WDPCP: variants seen among roughly 807,000 people sequenced by gnomAD.
WDPCP encodes the protein WD repeat containing planar cell polarity effector.
WDPCP carries 71 observed loss-of-function variants against 93.1 expected under a neutral mutation model. That is an observed-to-expected ratio of 0.76 (90% CI 0.63 to 0.93). The LOEUF (loss-of-function observed/expected upper bound fraction) is 0.93, where lower values mean the gene tolerates loss of function less well. WDPCP is among the 40% of genes least tolerant of loss of function. WDPCP has a pLI of 0.00. For missense variants in WDPCP, 844 were observed against 887.4 expected, an observed-to-expected ratio of 0.95 and a Z score of 0.62; for synonymous variants, 315 against 315.0, an observed-to-expected ratio of 1.00 and a Z score of 0.00.
chr2:63,514,470 T>C (rs963170322), intron 1 of WDPCP, among the ~76,000 whole-genome samples: 4 of 152,168 alleles, frequency 2.6e-5, no homozygotes, highest in African/African-American at 7.2e-5. Context: ...TCATATTACC[T>C]TGACAGGCAC....
At chr2:63,719,531 C>G (rs951025378) in intron 2 of WDPCP, among the ~76,000 whole-genome samples, 1 of 152,130 alleles carries the variant, frequency 6.6e-6, no homozygotes, top group African/African-American at 2.4e-5. Context: ...TTTAACATCA[C>G]TTTGTCAGAA....
At chr2:63,382,159 A>T in intron 10 of WDPCP, 65 bp from the exon 11 acceptor site, 1 of 1,506,554 alleles carries the variant, frequency 6.6e-7, no homozygotes, top group Non-Finnish European at 9.0e-7. Flanking sequence ...AAAAGAGTTA[A>T]TTTTTCCATA....
At chr2:63,332,553 C>T (rs905944872) in intron 12 of WDPCP, among the ~76,000 whole-genome samples, 1 of 152,090 alleles carries the variant, frequency 6.6e-6, no homozygotes, top group Non-Finnish European at 1.5e-5. Context: ...TGTGTCTCTT[C>T]AAATCTTCTG....
chr2:63,311,221 C>A lies in WDPCP; in HGVS notation c.1812+2027G>T, dbSNP rs1008494212. Among the ~76,000 whole-genome samples, 8 of 152,218 alleles carry A rather than the reference C, an allele frequency of 5.3e-5. No individual in the cohort carries two copies. The East Asian group carries it at 1.5e-3, about 29-fold the overall frequency. On this transcript the variant is annotated intron_variant, in intron 13 of 17. Coordinates refer to ENST00000272321, the MANE Select transcript of WDPCP (RefSeq NM_015910.7). ...TTTTTAGTCTTTTAGCAAGAGATAT[C>A]TCAAGGGTAGAAAATCATGTATAAA...
At chr2:63,550,946 G>T (rs1705588776) in intron 1 of WDPCP, among the ~76,000 whole-genome samples, 1 of 152,010 alleles carries the variant, frequency 6.6e-6, no homozygotes, top group Admixed American at 6.6e-5. Flanking sequence ...TGTGATTCCA[G>T]TTTTAGTAAA....
intron 2 of WDPCP, among the ~76,000 whole-genome samples, chr2:63,655,205 A>C (rs1487536275): frequency 6.6e-6 from 1 of 152,236 alleles, no homozygotes; most frequent in African/African-American, 2.4e-5. Flanking sequence ...ACCCAGAGAA[A>C]GTGTGACTCA....
intron 2 of WDPCP, among the ~76,000 whole-genome samples, chr2:63,661,877 G>C (rs1268681824): frequency 1.3e-5 from 2 of 152,144 alleles, no homozygotes; most frequent in African/African-American, 4.8e-5. Context: ...AGTCAGTAAG[G>C]GGAGCTTCCA....
chr2:63,319,835 C>T (rs998474326), intron 12 of WDPCP, among the ~76,000 whole-genome samples: 1 of 152,012 alleles, frequency 6.6e-6, no homozygotes, highest in African/African-American at 2.4e-5. Flanking sequence ...GGGATATCTA[C>T]AAAATTATAT....
At chr2:63,616,776 G>T (rs1709677714) in intron 3 of WDPCP, among the ~76,000 whole-genome samples, 2 of 152,120 alleles carry the variant, frequency 1.3e-5, no homozygotes, top group South Asian at 4.1e-4. Context: ...AAGGATATTA[G>T]TGATAATGTG....
chr2:63,550,308 C>G (rs565148311), intron 1 of WDPCP, among the ~76,000 whole-genome samples: 1 of 151,934 alleles, frequency 6.6e-6, no homozygotes, highest in Admixed American at 6.6e-5. Context: ...GAGTTTTCTT[C>G]ATGTATTCAC....
intron 17 of WDPCP, among the ~76,000 whole-genome samples, chr2:63,125,775 A>AT (rs1386060435): frequency 1.3e-5 from 2 of 151,594 alleles, no homozygotes; most frequent in Non-Finnish European, 2.9e-5. Context: ...CATCTGGCTA[A>AT]TTTTTTTGTA....
At chr2:63,706,657 T>G (rs1312583779) in intron 2 of WDPCP, among the ~76,000 whole-genome samples, 1 of 139,730 alleles carries the variant, frequency 7.2e-6, no homozygotes, top group Middle Eastern at 3.6e-3. Context: ...TCGCCCAGGC[T>G]GGACTGCGGA....
At chr2:63,389,884 A>G (rs1300716705) in intron 10 of WDPCP, among the ~76,000 whole-genome samples, 2 of 152,188 alleles carry the variant, frequency 1.3e-5, no homozygotes, top group African/African-American at 4.8e-5. Context: ...AGGAGCACCC[A>G]GATTCATAAA....
intron 5 of WDPCP, 48 bp downstream of exon 5, chr2:63,484,869 T>C: frequency 6.3e-7 from 1 of 1,595,264 alleles, no homozygotes. Flanking sequence ...AAAGATGTTT[T>C]AAAAACAGAT....
At chr2:63,274,069 G>A (rs1347946408) in intron 13 of WDPCP, among the ~76,000 whole-genome samples, 1 of 152,056 alleles carries the variant, frequency 6.6e-6, no homozygotes, top group African/African-American at 2.4e-5. Context: ...TCAGCACGTG[G>A]AATATTCTCC....
chr2:63,837,128 TC>T, the WDPCP span, among the ~76,000 whole-genome samples: 1 of 152,254 alleles, frequency 6.6e-6, no homozygotes, highest in African/African-American at 2.4e-5. Flanking sequence ...TCAGCAAACT[TC>T]CTGGTTCATT....
chr2:63,491,785 C>G (rs1700893295), intron 2 of WDPCP, among the ~76,000 whole-genome samples: 1 of 152,128 alleles, frequency 6.6e-6, no homozygotes, highest in Non-Finnish European at 1.5e-5. Context: ...TCTACAATAT[C>G]TGGCTCCTCA....
chr2:63,837,294 T>G, the WDPCP span, among the ~76,000 whole-genome samples: 4 of 152,244 alleles, frequency 2.6e-5, no homozygotes, highest in Non-Finnish European at 5.9e-5. Context: ...ACCTTTTTAC[T>G]CAAGTGAAAT....
chr2:63,189,409 C>G (rs1674874640), intron 14 of WDPCP, among the ~76,000 whole-genome samples: 1 of 152,108 alleles, frequency 6.6e-6, no homozygotes, highest in Non-Finnish European at 1.5e-5. Flanking sequence ...TTGCCTGAGT[C>G]CTGTAGTCCA....
Sources: allele counts gnomAD v4.1 joint callset (sites outside exome capture counted in the v4.1 genomes callset), GRCh38; gene constraint gnomAD v4.1.1; transcripts MANE v1.5; gene names NCBI Gene and HGNC (gene_info 2026-07-23, HGNC 2026-07-21).